EBF1: variants seen among roughly 807,000 people sequenced by gnomAD.
EBF1 encodes the protein transcription factor COE1.
EBF1 carries 10 observed loss-of-function variants against 68.4 expected under a neutral mutation model. That is an observed-to-expected ratio of 0.15 (90% CI 0.09 to 0.25). EBF1 has a LOEUF of 0.25. Among genes scored for constraint, EBF1 ranks in the 10% least tolerant of loss-of-function variants. The pLI, the probability that EBF1 is intolerant of heterozygous loss-of-function variation, is 1.00. For missense variants in EBF1, 509 were observed against 794.4 expected (o/e 0.64, Z 4.32); for synonymous variants, 298 against 299.8 (o/e 0.99, Z 0.06).
intron 9 of EBF1, among the ~76,000 whole-genome samples, chr5:158,785,025 T>C (rs1777144777): frequency 6.6e-6 from 1 of 152,204 alleles, no homozygotes; most frequent in African/African-American, 2.4e-5. Flanking sequence ...TCCAGATTAA[T>C]TTTTTAATTT....
chr5:158,904,722 G>A (rs917673198), intron 6 of EBF1, among the ~76,000 whole-genome samples: 2 of 151,984 alleles, frequency 1.3e-5, no homozygotes, highest in East Asian at 1.9e-4. Flanking sequence ...CTACAGAACC[G>A]CCTTCCTCTT....
intron 6 of EBF1, among the ~76,000 whole-genome samples, chr5:158,930,259 TG>T (rs1168075596): frequency 3.8e-5 from 4 of 105,820 alleles, no homozygotes; most frequent in Non-Finnish European, 9.3e-5. Context: ...CTAGTTTTTT[TG>T]TTTTTTTTTT....
At chr5:158,940,746 ACC>A (rs369005626) in intron 6 of EBF1, among the ~76,000 whole-genome samples, 750 of 23,708 alleles carry the variant, frequency 0.032, 8 homozygotes, top group Non-Finnish European at 0.046. Flanking sequence ...TTCTGACTGC[ACC>A]CCCTTCACCC....
At chr5:159,074,991 A>G (rs1778483011) in intron 5 of EBF1, among the ~76,000 whole-genome samples, 1 of 152,356 alleles carries the variant, frequency 6.6e-6, no homozygotes, top group South Asian at 2.1e-4. Flanking sequence ...ACATAAAAAT[A>G]TAACTCCTTC....
intron 6 of EBF1, among the ~76,000 whole-genome samples, chr5:159,037,753 A>T (rs911874473): frequency 6.6e-6 from 1 of 150,992 alleles, no homozygotes; most frequent in East Asian, 1.9e-4. Context: ...ACATGTATAC[A>T]TATGTAACTA....
chr5:159,039,720 C>T (rs1406475970), intron 6 of EBF1, among the ~76,000 whole-genome samples: 2 of 152,190 alleles, frequency 1.3e-5, no homozygotes, highest in Non-Finnish European at 2.9e-5. Flanking sequence ...ATTATTCCTT[C>T]TCAAGGGCCC....
intron 6 of EBF1, among the ~76,000 whole-genome samples, chr5:158,852,069 A>AGAGGGGAGG (rs1554163350): frequency 5.6e-5 from 1 of 17,778 alleles, no homozygotes; most frequent in Non-Finnish European, 1.0e-4. Context: ...AGAGGGGAGG[A>AGAGGGGAGG]GAGGGGAGGG....
intron 9 of EBF1, among the ~76,000 whole-genome samples, chr5:158,795,385 A>G (rs35758731): frequency 0.078 from 11,946 of 152,242 alleles, 519 homozygotes; most frequent in South Asian, 0.11. Context: ...ACGAGTATCT[A>G]CCTCGTAGTG....
intron 10 of EBF1, among the ~76,000 whole-genome samples, chr5:158,773,762 T>G (rs1774401588): frequency 6.6e-6 from 1 of 152,130 alleles, no homozygotes; most frequent in South Asian, 2.1e-4. Flanking sequence ...TTTATTAGCT[T>G]CCAAGGCTAC....
chr5:158,977,872 A>G (rs1477639585), intron 6 of EBF1, among the ~76,000 whole-genome samples: 2 of 152,174 alleles, frequency 1.3e-5, no homozygotes, highest in Admixed American at 1.3e-4. Flanking sequence ...GGGAGGAGAG[A>G]GAAAGAGACA....
At chr5:158,992,613 G>T (rs564730468) in intron 6 of EBF1, among the ~76,000 whole-genome samples, 119 of 152,284 alleles carry the variant, frequency 7.8e-4, no homozygotes, top group South Asian at 5.0e-3. Context: ...ACCATTTCTG[G>T]ATCAGAATGT....
At chr5:158,715,137 G>C (rs1760359661) in intron 11 of EBF1, among the ~76,000 whole-genome samples, 1 of 152,208 alleles carries the variant, frequency 6.6e-6, no homozygotes, top group Non-Finnish European at 1.5e-5. Context: ...AAAGGTAGGG[G>C]CTTGTCAGAG....
chr5:159,069,460 G>A (rs1453183466), intron 6 of EBF1, among the ~76,000 whole-genome samples: 1 of 152,058 alleles, frequency 6.6e-6, no homozygotes, highest in East Asian at 1.9e-4. Flanking sequence ...AGAAAGAAAT[G>A]TTTTTATAAG....
At chr5:158,831,340 G>T (rs781120135) in intron 7 of EBF1, among the ~76,000 whole-genome samples, 7 of 152,110 alleles carry the variant, frequency 4.6e-5, no homozygotes, top group African/African-American at 7.2e-5. Context: ...TCACTTACTT[G>T]CTTGTAATCT....
intron 6 of EBF1, among the ~76,000 whole-genome samples, chr5:159,035,051 G>T (rs1037603810): frequency 3.3e-5 from 5 of 152,054 alleles, no homozygotes; most frequent in Non-Finnish European, 4.4e-5. Context: ...GAAGCCACTG[G>T]TTTTCTCTAT....
intron 6 of EBF1, chr5:158,984,681 C>CTTTTTTTTTTTTTTTTTTTTTTTTTTTT (rs869234197): frequency 1.0e-5 from 1 of 99,896 alleles, no homozygotes; most frequent in African/African-American, 4.0e-5. Context: ...TGCTTTCTTC[C>CTTTTTTTTTTTTTTTTTTTTTTTTTTTT]TTTTTTTTTT....
intron 6 of EBF1, among the ~76,000 whole-genome samples, chr5:158,991,702 C>T (rs1202973274): frequency 2.6e-5 from 4 of 152,296 alleles, no homozygotes; most frequent in South Asian, 2.1e-4. Context: ...TAGGTGATTA[C>T]GGCAAGTCAT....
chr5:158,743,189 C>T (rs1766807000), intron 10 of EBF1, among the ~76,000 whole-genome samples: 1 of 152,186 alleles, frequency 6.6e-6, no homozygotes, highest in South Asian at 2.1e-4. Context: ...AAAATTAATT[C>T]TCTGTAGTAG....
In EBF1 at chr5:159,041,161, C is replaced by A. The variant is rs372691867; in HGVS notation, c.554+32235G>T. On this transcript the variant is annotated intron_variant, in intron 6 of 15. Coordinates refer to ENST00000313708, the MANE Select transcript of EBF1 (RefSeq NM_024007.5). ...CATTTGAACTGAGCTTGACCAATCC[C>A]CAATGCCTTAATAAACTAACAGTAT... Among the ~76,000 whole-genome samples the A allele has an allele frequency of 9.2e-5, 14 of 152,274 alleles. No individual in the cohort carries two copies. The East Asian group carries it at 2.3e-3, about 25-fold the overall frequency.
Sources: gnomAD v4.1 joint callset for allele counts (sites outside exome capture counted in the v4.1 genomes callset) on GRCh38, gnomAD v4.1.1 for gene constraint, MANE v1.5 for transcripts, NCBI Gene and HGNC (gene_info 2026-07-23, HGNC 2026-07-21) for gene names.